The following GRM8 variants were observed in gnomAD, a reference collection of about 807,000 sequenced individuals.
GRM8 encodes the protein metabotropic glutamate receptor 8.
In GRM8, 47 loss-of-function variants were observed where a neutral mutation model predicts 87.2. The observed-to-expected ratio is 0.54, with a 90% CI of 0.43 to 0.69. The LOEUF is 0.69. GRM8 is among the 30% of genes least tolerant of loss of function. The probability of loss-of-function intolerance (pLI) is 0.00; values close to 1 mark genes in which losing one functional copy is unlikely to be tolerated. For synonymous variants in GRM8, 396 were observed against 404.5 expected (o/e 0.98, Z 0.25); for missense variants, 1,019 against 1,139.2 (o/e 0.89, Z 1.52).
At chr7:126,948,157 G>T (rs1401147231) in intron 3 of GRM8, among the ~76,000 whole-genome samples, 2 of 152,052 alleles carry the variant, frequency 1.3e-5, no homozygotes, top group Non-Finnish European at 2.9e-5. Context: ...TAAAAAATAA[G>T]AGAAACACTA....
chr7:127,028,366 T>C (rs6950012), intron 3 of GRM8, among the ~76,000 whole-genome samples: 42,893 of 152,074 alleles, frequency 0.28, 6,868 homozygotes, highest in African/African-American at 0.44. Context: ...TTAGGGAGGA[T>C]TCCCTCTTTT....
chr7:127,019,131 T>C (rs1455589861), intron 3 of GRM8, among the ~76,000 whole-genome samples: 1 of 152,080 alleles, frequency 6.6e-6, no homozygotes, highest in East Asian at 1.9e-4. Context: ...TTTTACAATA[T>C]AGACACAGTT....
At chr7:126,692,835 C>T (rs1808969479) in intron 7 of GRM8, among the ~76,000 whole-genome samples, 1 of 152,048 alleles carries the variant, frequency 6.6e-6, no homozygotes, top group Admixed American at 6.6e-5. Context: ...AGGTCAAATC[C>T]TGAAAGAGTA....
intron 2 of GRM8, among the ~76,000 whole-genome samples, chr7:127,144,395 G>A (rs1828439895): frequency 6.6e-6 from 1 of 152,136 alleles, no homozygotes; most frequent in African/African-American, 2.4e-5. Flanking sequence ...AACCAGTGCT[G>A]TTTTGGGAAA....
chr7:127,008,113 G>C (rs1316905051), intron 3 of GRM8, among the ~76,000 whole-genome samples: 1 of 151,990 alleles, frequency 6.6e-6, no homozygotes, highest in Non-Finnish European at 1.5e-5. Context: ...AAGAGGTACA[G>C]TCTCTACCAG....
At chr7:126,620,805 T>G (rs1223589563) in intron 7 of GRM8, among the ~76,000 whole-genome samples, 2 of 152,234 alleles carry the variant, frequency 1.3e-5, no homozygotes, top group Non-Finnish European at 2.9e-5. Context: ...GTATACATTT[T>G]CTTGTTTACA....
chr7:126,695,849 G>T (rs1288566587), intron 7 of GRM8, among the ~76,000 whole-genome samples: 1 of 152,146 alleles, frequency 6.6e-6, no homozygotes, highest in African/African-American at 2.4e-5. Flanking sequence ...TAGCACAAAA[G>T]AATAGTTAGA....
chr7:126,803,279 T>C (rs1822933451), intron 6 of GRM8, among the ~76,000 whole-genome samples: 1 of 152,186 alleles, frequency 6.6e-6, no homozygotes, highest in South Asian at 2.1e-4. Flanking sequence ...ATTGGTTTAT[T>C]GAGTAACATC....
chr7:126,482,389 T>C (rs749780996), intron 9 of GRM8, among the ~76,000 whole-genome samples: 10 of 151,944 alleles, frequency 6.6e-5, no homozygotes, highest in South Asian at 6.2e-4. Flanking sequence ...AGATAAAACC[T>C]GGAAACAACT....
At position 127,132,506 on chromosome 7, in the gene GRM8, A is replaced by T. The variant is rs144509466; in HGVS notation, c.511-25794T>A. 7.8e-3 allele frequency among the ~76,000 whole-genome samples: 1,187 copies of T among 152,144 alleles called. 10 individuals are homozygous for T. The highest frequency in any genetic ancestry group is 0.026 in the African/African-American group (1,096 of 41,508). On this transcript the variant is annotated intron_variant, in intron 2 of 10. Coordinates refer to ENST00000339582, the MANE Select transcript of GRM8 (RefSeq NM_000845.3). ...CACAATAAAACAGACATAGTTCAAG[A>T]AGCTTAGGATCTAGTAGGTGATACA...
chr7:127,211,902 C>G (rs184958277), intron 2 of GRM8, among the ~76,000 whole-genome samples: 16 of 152,294 alleles, frequency 1.1e-4, no homozygotes, highest in African/African-American at 3.9e-4. Flanking sequence ...ACTAACACAA[C>G]CCTATACTTC....
At chr7:126,607,485 A>C (rs894609988) in intron 8 of GRM8, among the ~76,000 whole-genome samples, 2 of 152,160 alleles carry the variant, frequency 1.3e-5, no homozygotes, top group Non-Finnish European at 2.9e-5. Flanking sequence ...AAAATATCAA[A>C]TTGATGTCTT....
chr7:126,583,574 G>A (rs948382980), intron 8 of GRM8, among the ~76,000 whole-genome samples: 3 of 152,126 alleles, frequency 2.0e-5, no homozygotes, highest in African/African-American at 7.2e-5. Flanking sequence ...GAGTTTGGAA[G>A]AAGTTGATTC....
At chr7:126,990,585 T>G (rs1482860061) in intron 3 of GRM8, among the ~76,000 whole-genome samples, 1 of 152,230 alleles carries the variant, frequency 6.6e-6, no homozygotes. Context: ...ACGTTACCGT[T>G]ACTTACAGAC....
intron 9 of GRM8, among the ~76,000 whole-genome samples, chr7:126,479,098 A>G (rs2150585776): frequency 6.6e-6 from 1 of 152,096 alleles, no homozygotes; most frequent in South Asian, 2.1e-4. Flanking sequence ...TTAGCCTTTT[A>G]TGCTAAAAAT....
chr7:126,752,345 A>G (rs1816519360), intron 7 of GRM8, among the ~76,000 whole-genome samples: 1 of 152,136 alleles, frequency 6.6e-6, no homozygotes, highest in Admixed American at 6.6e-5. Flanking sequence ...ACATTTGACT[A>G]GTTGTTATCC....
At chr7:126,788,420 A>AAAAAAAAACAAAAACAAAAAACAAAAAAC in intron 6 of GRM8, among the ~76,000 whole-genome samples, 6 of 81,138 alleles carry the variant, frequency 7.4e-5, no homozygotes, top group African/African-American at 2.8e-4. Flanking sequence ...AAAAAAAAAA[A>AAAAAAAAACAAAAACAAAAAACAAAAAAC]AAACCCTTTC....
At chr7:126,574,121 T>C (rs1280279062) in intron 8 of GRM8, among the ~76,000 whole-genome samples, 3 of 152,220 alleles carry the variant, frequency 2.0e-5, no homozygotes, top group Non-Finnish European at 4.4e-5. Flanking sequence ...TAAAACACCA[T>C]TTTAAATGAC....
intron 9 of GRM8, among the ~76,000 whole-genome samples, chr7:126,505,967 C>G (rs535309214): frequency 5.3e-5 from 8 of 152,096 alleles, no homozygotes; most frequent in Non-Finnish European, 1.0e-4. Flanking sequence ...ACTGAAACTT[C>G]GCATCTTTTG....
Sources: allele counts gnomAD v4.1 joint callset (sites outside exome capture counted in the v4.1 genomes callset), GRCh38; gene constraint gnomAD v4.1.1; transcripts MANE v1.5; gene names NCBI Gene and HGNC (gene_info 2026-07-23, HGNC 2026-07-21).